MYO5B: variants seen among roughly 807,000 people sequenced by gnomAD.
MYO5B encodes the protein unconventional myosin-Vb.
MYO5B carries 143 observed loss-of-function variants against 229.3 expected under a neutral mutation model. The ratio of observed to expected loss-of-function variants is 0.62; its 90% CI spans 0.54 to 0.72. The LOEUF is 0.72. MYO5B is among the 30% of genes least tolerant of loss of function. MYO5B has a pLI of 0.00. For missense variants in MYO5B, 2,321 were observed against 2,331.0 expected (o/e 1.00, Z 0.09); for synonymous variants, 918 against 885.2 (o/e 1.04, Z -0.66).
chr18:50,023,301 T>C (rs1413454842), intron 4 of MYO5B, among the ~76,000 whole-genome samples: 1 of 152,136 alleles, frequency 6.6e-6, no homozygotes, highest in Non-Finnish European at 1.5e-5. Flanking sequence ...TTAGCCTACA[T>C]GACCTAGACA....
rs151103419 is a variant in MYO5B, at chr18:49,877,563, T to G, written c.3396+200A>C. Among the ~76,000 whole-genome samples the G allele has an allele frequency of 4.4e-3, 675 of 152,322 alleles. 2 individuals are homozygous for G. The highest frequency in any genetic ancestry group is 7.7e-3 in the Non-Finnish European group (523 of 68,030). On this transcript the variant is annotated intron_variant, in intron 25 of 39. Transcript: ENST00000285039. ...GGGTGTAAGGTGAACAATAATGTAT[T>G]GCTTTACACAGTAAGTGTTAACTCC...
At position 50,005,987 on chromosome 18, in the gene MYO5B, C is replaced by T. The variant is rs16951390; in HGVS notation, c.456-4576G>A. On this transcript the variant is annotated intron_variant, in intron 4 of 39. Transcript: ENST00000285039. Reference sequence around the variant, plus strand: ...CTCCTTTTAAGACCTTGTCATATTTCGCCTTCTTTTGAAGTCAGTCCCAGT... The same window carrying T: ...CTCCTTTTAAGACCTTGTCATATTTTGCCTTCTTTTGAAGTCAGTCCCAGT... 1.8e-3 allele frequency among the ~76,000 whole-genome samples: 267 copies of T among 152,294 alleles called. 1 individual carries two copies. The highest frequency in any genetic ancestry group is 5.7e-3 in the African/African-American group (236 of 41,560).
chr18:50,061,090 T>C (rs1270273738), intron 1 of MYO5B, among the ~76,000 whole-genome samples: 3 of 152,156 alleles, frequency 2.0e-5, no homozygotes, highest in East Asian at 3.8e-4. Flanking sequence ...CCAGCTAAAA[T>C]GTAAATACAA....
chr18:49,851,479 G>T (rs1338986172), intron 31 of MYO5B, among the ~76,000 whole-genome samples: 1 of 152,198 alleles, frequency 6.6e-6, no homozygotes, highest in African/African-American at 2.4e-5. Flanking sequence ...ACAAATAAAG[G>T]GAACATAGTG....
At chr18:49,987,903 G>A (rs1210414751) in intron 7 of MYO5B, among the ~76,000 whole-genome samples, 1 of 152,118 alleles carries the variant, frequency 6.6e-6, no homozygotes, top group Non-Finnish European at 1.5e-5. Context: ...AAAGGGCCAG[G>A]AGATTATTCT....
At chr18:49,997,864 G>A (rs1004156539) in intron 5 of MYO5B, among the ~76,000 whole-genome samples, 15 of 152,120 alleles carry the variant, frequency 9.9e-5, no homozygotes, top group Admixed American at 5.9e-4. Context: ...AGACAACGCC[G>A]TGACCATAAC....
intron 1 of MYO5B, among the ~76,000 whole-genome samples, chr18:50,142,939 A>C (rs1428528809): frequency 2.0e-5 from 3 of 152,244 alleles, no homozygotes; most frequent in Non-Finnish European, 4.4e-5. Flanking sequence ...CTAAGAATGG[A>C]AAGAGTATGA....
At chr18:50,121,038 G>A (rs908904318) in intron 1 of MYO5B, among the ~76,000 whole-genome samples, 1 of 152,136 alleles carries the variant, frequency 6.6e-6, no homozygotes, top group African/African-American at 2.4e-5. Context: ...GCTCTCCTCT[G>A]GGCATTTTCA....
At chr18:50,032,858 G>T (rs2026405386) in intron 4 of MYO5B, among the ~76,000 whole-genome samples, 1 of 152,066 alleles carries the variant, frequency 6.6e-6, no homozygotes, top group Admixed American at 6.5e-5. Flanking sequence ...GTGGTGGCAG[G>T]TACCTTTAAT....
At chr18:50,116,153 C>G (rs1187704241) in intron 1 of MYO5B, among the ~76,000 whole-genome samples, 1 of 152,200 alleles carries the variant, frequency 6.6e-6, no homozygotes, top group Non-Finnish European at 1.5e-5. Context: ...CATGTCATCC[C>G]TATGACCCTA....
intron 18 of MYO5B, among the ~76,000 whole-genome samples, chr18:49,910,444 T>C (rs910097496): frequency 6.6e-6 from 1 of 152,058 alleles, no homozygotes; most frequent in African/African-American, 2.4e-5. Flanking sequence ...ATTTTTCTTG[T>C]CCATAAAAAG....
rs7240377 is a variant in MYO5B, at chr18:49,984,767, C to A, written c.897G>T (p.Val299=). ...SQGGDTSIEG[V]DDAEDFEKTR... is the part of the protein sequence containing the mutation. ...TCTTCTCAAAGTCCTCAGCATCGTCCACACCCTCGATGGAAGTGTCTCCTC... is the reference window on the plus strand; with the variant it reads ...TCTTCTCAAAGTCCTCAGCATCGTCAACACCCTCGATGGAAGTGTCTCCTC... Residue 299 remains valine, a synonymous_variant, in exon 8 of 40, where the codon GTG becomes GTT. Coordinates refer to ENST00000285039, the MANE Select transcript of MYO5B (RefSeq NM_001080467.3). The A allele has an allele frequency of 2.2e-3, 3,536 of 1,613,986 alleles. 70 individuals are homozygous for A. The African/African-American group carries it at 0.041, about 19-fold the overall frequency.
At chr18:49,991,762 G>C (rs927465069) in intron 6 of MYO5B, among the ~76,000 whole-genome samples, 1 of 152,118 alleles carries the variant, frequency 6.6e-6, no homozygotes, top group Non-Finnish European at 1.5e-5. Context: ...ACCATGGCAT[G>C]TGTATACCTA....
At chr18:50,138,337 C>T (rs2032366762) in intron 1 of MYO5B, among the ~76,000 whole-genome samples, 1 of 152,178 alleles carries the variant, frequency 6.6e-6, no homozygotes, top group South Asian at 2.1e-4. Context: ...TTCCTTCCTG[C>T]CCTCTTTCCC....
At chr18:50,013,663 G>C (rs1568070791) in intron 4 of MYO5B, among the ~76,000 whole-genome samples, 1 of 152,158 alleles carries the variant, frequency 6.6e-6, no homozygotes, top group Admixed American at 6.5e-5. Flanking sequence ...CCAAGAGTTT[G>C]CAATAAAATA....
At chr18:50,063,178 T>G (rs1056772129) in intron 1 of MYO5B, among the ~76,000 whole-genome samples, 3 of 152,120 alleles carry the variant, frequency 2.0e-5, no homozygotes, top group Non-Finnish European at 4.4e-5. Context: ...GCTCAGCGCT[T>G]CCAGATTATT....
chr18:50,106,268 C>G (rs965884977), intron 1 of MYO5B, among the ~76,000 whole-genome samples: 8 of 152,188 alleles, frequency 5.3e-5, no homozygotes, highest in Admixed American at 2.0e-4. Context: ...AGGGTAAAAC[C>G]CTGACCTTTG....
rs78626055 is a variant in MYO5B, at chr18:50,040,277, A to G, written c.176T>C (p.Leu59Pro). 41,604 of 1,614,078 alleles carry G rather than the reference A, an allele frequency of 0.026. 589 individuals are homozygous for G. The highest frequency in any genetic ancestry group is 0.037 in the South Asian group (3,381 of 91,050). Residue 59 changes from leucine to proline, a missense_variant, in exon 3 of 40, where the codon CTG becomes CCG. Coordinates refer to ENST00000285039, the MANE Select transcript of MYO5B (RefSeq NM_001080467.3). ...EYPIDVQRNQ[L>P]PFLRNPDILV... The stretch of plus-strand genomic sequence containing the variant: ...GATATCTGGATTCCGTAAGAAGGGC[A>G]GCTGGTTGCGTTGTACATCAATTGG...
chr18:50,001,150 T>C (rs2026042184), intron 5 of MYO5B, 105 bp downstream of exon 5: 5 of 1,429,760 alleles, frequency 3.5e-6, no homozygotes, highest in East Asian at 2.3e-5. Context: ...CAGAGGGCTC[T>C]CAGGGAGAGG....
Sources: allele counts gnomAD v4.1 joint callset (sites outside exome capture counted in the v4.1 genomes callset), GRCh38; gene constraint gnomAD v4.1.1; transcripts MANE v1.5; gene names NCBI Gene and HGNC (gene_info 2026-07-23, HGNC 2026-07-21).